FERRY3: variants seen among roughly 807,000 people sequenced by gnomAD.
The protein encoded by FERRY3 is protein C12orf4.
the FERRY3 span, among the ~76,000 whole-genome samples, chr12:4,538,149 T>C: frequency 1.3e-5 from 2 of 152,262 alleles, no homozygotes; most frequent in Admixed American, 6.5e-5. Flanking sequence ...TCTCGCTCTT[T>C]TTTTAGACTA....
At chr12:4,500,382 T>G in the FERRY3 span, 1 of 1,544,146 alleles carries the variant, frequency 6.5e-7, no homozygotes, top group Non-Finnish European at 8.9e-7. Context: ...AATGCCTAAG[T>G]AAGTCACATT....
At chr12:4,536,643 G>C in the FERRY3 span, among the ~76,000 whole-genome samples, 1 of 152,170 alleles carries the variant, frequency 6.6e-6, no homozygotes, top group Non-Finnish European at 1.5e-5. Context: ...CTTAGAGGTT[G>C]TGGTCATGAG....
At chr12:4,505,304 A>C in the FERRY3 span, 3 of 1,562,510 alleles carry the variant, frequency 1.9e-6, no homozygotes, top group Non-Finnish European at 8.8e-7. Flanking sequence ...AGAAATACTT[A>C]CCAGGTAAAA....
At chr12:4,488,091 T>C in the FERRY3 span, 1 of 152,216 alleles carries the variant, frequency 6.6e-6, no homozygotes, top group Non-Finnish European at 1.5e-5. This position sits in a 1 kb window ranked among gnomAD's most constrained non-coding sequence, Gnocchi z 4.9. Context: ...TTCTTCCAAT[T>C]TTACTACTTC....
the FERRY3 span, chr12:4,518,865 A>G: frequency 6.3e-7 from 1 of 1,577,804 alleles, no homozygotes; most frequent in Non-Finnish European, 8.6e-7. Flanking sequence ...GACTTGGCTG[A>G]ACTTTAATTT....
the FERRY3 span, among the ~76,000 whole-genome samples, chr12:4,496,471 T>C: frequency 5.9e-5 from 9 of 152,278 alleles, no homozygotes; most frequent in Non-Finnish European, 1.3e-4. Context: ...AACATGCCTG[T>C]GAGAATGCAC....
the FERRY3 span, among the ~76,000 whole-genome samples, chr12:4,534,872 T>C: frequency 6.6e-6 from 1 of 151,644 alleles, no homozygotes; most frequent in African/African-American, 2.4e-5. Flanking sequence ...TTGATACTAA[T>C]AAAGTAATGT....
the FERRY3 span, chr12:4,525,436 CAAAAG>C: frequency 6.3e-7 from 1 of 1,599,726 alleles, no homozygotes; most frequent in Non-Finnish European, 8.5e-7. Flanking sequence ...AACAAAAAAA[CAAAAG>C]AAAATGCAAC....
At chr12:4,518,678 C>T in the FERRY3 span, 16 of 798,770 alleles carry the variant, frequency 2.0e-5, no homozygotes, top group Non-Finnish European at 2.6e-5. Flanking sequence ...GGCAACATAG[C>T]GAAACCTTTT....
At chr12:4,533,679 T>C in the FERRY3 span, among the ~76,000 whole-genome samples, 5 of 152,310 alleles carry the variant, frequency 3.3e-5, no homozygotes, top group Admixed American at 2.6e-4. Flanking sequence ...TACACAACAA[T>C]AATGAAGATA....
chr12:4,500,492 T>G, the FERRY3 span: 2 of 665,182 alleles, frequency 3.0e-6, no homozygotes, highest in Non-Finnish European at 5.1e-6. Context: ...CAACTGTGAT[T>G]ACTGCTCTTC....
the FERRY3 span, among the ~76,000 whole-genome samples, chr12:4,510,522 GC>G: frequency 6.9e-6 from 1 of 145,810 alleles, no homozygotes. Context: ...TCAAAGGGAA[GC>G]CCATCAGACT....
the FERRY3 span, among the ~76,000 whole-genome samples, chr12:4,492,613 C>G: frequency 1.3e-5 from 2 of 152,162 alleles, no homozygotes; most frequent in African/African-American, 2.4e-5. Flanking sequence ...ACATTTCCCC[C>G]CCTCTGCCCT....
the FERRY3 span, among the ~76,000 whole-genome samples, chr12:4,490,983 G>C: frequency 6.6e-6 from 1 of 152,106 alleles, no homozygotes; most frequent in Non-Finnish European, 1.5e-5. Context: ...GTATTTCAAA[G>C]GGGCTGGAGA....
At chr12:4,518,474 C>T in the FERRY3 span, among the ~76,000 whole-genome samples, 1 of 152,096 alleles carries the variant, frequency 6.6e-6, no homozygotes, top group Non-Finnish European at 1.5e-5. Context: ...AAAATATAGT[C>T]TTTCTTAAAG....
the FERRY3 span, among the ~76,000 whole-genome samples, chr12:4,510,972 A>G: frequency 6.6e-6 from 1 of 152,058 alleles, no homozygotes; most frequent in Non-Finnish European, 1.5e-5. Context: ...AAGACCCATC[A>G]GTGTGCTGTA....
At chr12:4,534,328 C>G in the FERRY3 span, 23 of 1,568,628 alleles carry the variant, frequency 1.5e-5, no homozygotes, top group African/African-American at 2.7e-5. Flanking sequence ...CAAACACCAT[C>G]GTCAGCAAAA....
chr12:4,536,584 AAAG>A, the FERRY3 span, among the ~76,000 whole-genome samples: 1 of 152,196 alleles, frequency 6.6e-6, no homozygotes, highest in Non-Finnish European at 1.5e-5. Context: ...CCGTTGGTAA[AAAG>A]AAAGTCAAAG....
the FERRY3 span, chr12:4,534,447 A>T: frequency 4.4e-6 from 4 of 903,572 alleles, no homozygotes; most frequent in East Asian, 1.2e-4. Flanking sequence ...TCTGTTACAC[A>T]GGCTGGAGTG....
Sources: gnomAD v4.1 joint callset for allele counts (sites outside exome capture counted in the v4.1 genomes callset) on GRCh38, gnomAD v4.1.1 for gene constraint, Gnocchi (gnomAD v3.1) non-coding constraint, MANE v1.5 for transcripts, NCBI Gene and HGNC (gene_info 2026-07-23, HGNC 2026-07-21) for gene names.